The following DEPDC1 variants were observed in gnomAD, a reference collection of about 807,000 sequenced individuals.
The protein encoded by DEPDC1 is DEP domain-containing protein 1A.
In DEPDC1, 66 loss-of-function variants were observed where a neutral mutation model predicts 86.8. The ratio of observed to expected loss-of-function variants is 0.76; its 90% CI spans 0.62 to 0.93. The LOEUF is 0.93. DEPDC1 is among the 40% of genes least tolerant of loss of function. The pLI is 0.00. For synonymous variants in DEPDC1, 255 were observed against 314.9 expected (o/e 0.81, Z 2.02); for missense variants, 792 against 935.7 (o/e 0.85, Z 2.00).
rs962538755 is a variant in DEPDC1 at position 68,475,593 on chromosome 1, G to A, written c.*1339C>T. 3.3e-5 allele frequency: 5 copies of A among 151,716 alleles called. No individual in the cohort carries two copies. Among genetic ancestry groups the A allele is most frequent in the African/African-American group, 1.2e-4 (5 of 41,352 alleles). 9.4% of individuals were successfully genotyped at this position (151,716 alleles called of 1,614,324 possible). ...AATGAGAACAGTCATTAAACATTAA[G>A]ATTTTATTACAAACCATGCATTATA... On this transcript the variant is annotated 3_prime_UTR_variant, in exon 12 of 12. Transcript: ENST00000456315.
At position 68,496,774 on chromosome 1, in the gene DEPDC1, G is replaced by A; in HGVS notation, c.48+178C>T. The A allele has an allele frequency of 1.7e-6, 1 of 600,760 alleles. No homozygotes were observed. The highest frequency in any genetic ancestry group is 2.9e-6 in the Non-Finnish European group (1 of 339,266). The allele number at this position is 600,760 out of a possible 1,614,324, so 37.2% of individuals were successfully genotyped here. A position where few individuals can be genotyped will look rare whatever the true frequency, so the allele number is the denominator to read the frequency against. On this transcript the variant is annotated intron_variant, in intron 1 of 11. Coordinates refer to ENST00000456315, the MANE Select transcript of DEPDC1 (RefSeq NM_001114120.3). The surrounding 1 kb of genome is among the most constrained non-coding windows in gnomAD (Gnocchi z 4.0). Reference sequence around the variant, plus strand: ...AGACCCTCAAAATAGAGGGAGCGGTGAGTCTGGCAAGGGTTGCATACCCGC... The same window carrying A: ...AGACCCTCAAAATAGAGGGAGCGGTAAGTCTGGCAAGGGTTGCATACCCGC...
chr1:68,486,936 C>T lies in DEPDC1; in HGVS notation c.769+1G>A. 1.9e-6 allele frequency: 3 copies of T among 1,591,244 alleles called. No homozygotes were observed. The highest frequency in any genetic ancestry group is 2.6e-6 in the Non-Finnish European group (3 of 1,170,100). On this transcript the variant is annotated splice_donor_variant, in intron 6 of 11. Transcript: ENST00000456315. LOFTEE classifies it high-confidence loss of function. ...CACACACACACATATATTTAACTTA[C>T]AATTTGCTAGGCACTTCATGGCAGA... is the stretch of plus-strand genomic sequence containing the variant.
chr1:68,496,851 C>G lies in DEPDC1; in HGVS notation c.48+101G>C. On this transcript the variant is annotated intron_variant, in intron 1 of 11. Coordinates refer to ENST00000456315, the MANE Select transcript of DEPDC1 (RefSeq NM_001114120.3). The surrounding 1 kb of genome is among the most constrained non-coding windows in gnomAD (Gnocchi z 4.0). ...GAACCTAGGGATCCTGGGACTCATC[C>G]CTCCGACCGAGGTAAAACTGCGAAC... 8.3e-7 allele frequency: 1 copy of G among 1,209,024 alleles called. No individual in the cohort carries two copies. Among genetic ancestry groups the G allele is most frequent in the Non-Finnish European group, 1.2e-6 (1 of 834,196 alleles). The allele number at this position is 1,209,024 out of a possible 1,614,324, so 74.9% of individuals were successfully genotyped here. A position where few individuals can be genotyped will look rare whatever the true frequency, so the allele number is the denominator to read the frequency against.
intron 2 of DEPDC1, among the ~76,000 whole-genome samples, chr1:68,490,686 C>T (rs974474931): frequency 6.6e-6 from 1 of 151,944 alleles, no homozygotes; most frequent in Non-Finnish European, 1.5e-5. Flanking sequence ...ATACTGTTGT[C>T]CACAACTCAT....
At position 68,476,179 on chromosome 1, in the gene DEPDC1, T is replaced by C. The variant is rs936205985; in HGVS notation, c.*753A>G. ...AAGAGATTATATGTTTTATTTATCA[T>C]TGTCTCTGCATATCTGGAACAACGA... On this transcript the variant is annotated 3_prime_UTR_variant, in exon 12 of 12. Coordinates refer to ENST00000456315, the MANE Select transcript of DEPDC1 (RefSeq NM_001114120.3). The C allele has an allele frequency of 1.3e-5, 2 of 151,900 alleles. No individual in the cohort carries two copies. The highest frequency in any genetic ancestry group is 4.8e-5 in the African/African-American group (2 of 41,426). 9.4% of individuals were successfully genotyped at this position (151,900 alleles called of 1,614,324 possible). A position where few individuals can be genotyped will look rare whatever the true frequency, so the allele number is the denominator to read the frequency against.
Position 68,475,868 on chromosome 1 carries a change from T to C in DEPDC1, c.*1064A>G, listed in dbSNP as rs1293954617. 3 of 151,918 alleles carry C rather than the reference T, an allele frequency of 2.0e-5. No individual in the cohort carries two copies. Among genetic ancestry groups the C allele is most frequent in the Non-Finnish European group, 4.4e-5 (3 of 67,854 alleles). The allele number at this position is 151,918 out of a possible 1,614,324, so 9.4% of individuals were successfully genotyped here. On this transcript the variant is annotated 3_prime_UTR_variant, in exon 12 of 12. Coordinates refer to ENST00000456315, the MANE Select transcript of DEPDC1 (RefSeq NM_001114120.3). ...ATTGATTCTCACAGTTGGCTGAATA[T>C]TGGAATCACCTAGATTAAAAAAAAT...
rs922562260 is a variant in DEPDC1, at chr1:68,496,425, G to T, written c.48+527C>A. Among the ~76,000 whole-genome samples the T allele has an allele frequency of 2.6e-5, 4 of 152,168 alleles. No individual in the cohort carries two copies. The highest frequency in any genetic ancestry group is 9.7e-5 in the African/African-American group (4 of 41,438). On this transcript the variant is annotated intron_variant, in intron 1 of 11. Transcript: ENST00000456315. This position sits in a 1 kb window ranked among gnomAD's most constrained non-coding sequence, Gnocchi z 4.0. ...GGGACCACCAGCAGTGGTTACTGAT[G>T]GGTACTCAGAAATACCGTTTTGAAA... is the stretch of plus-strand genomic sequence containing the variant.
intron 5 of DEPDC1, 98 bp from the exon 6 acceptor site, chr1:68,487,082 A>AATTG: frequency 3.2e-6 from 3 of 936,124 alleles, no homozygotes; most frequent in Non-Finnish European, 4.5e-6. Flanking sequence ...ATATGTATAT[A>AATTG]CACATACACA....
At chr1:68,477,151 A>C (rs1289040988) in intron 11 of DEPDC1, 82 bp from the exon 12 acceptor site, 2 of 1,233,598 alleles carry the variant, frequency 1.6e-6, no homozygotes, top group Non-Finnish European at 2.3e-6. Context: ...ATAAGAATTC[A>C]GTGTTTTTCT....
intron 2 of DEPDC1, among the ~76,000 whole-genome samples, chr1:68,490,297 T>C (rs1002690263): frequency 2.6e-5 from 4 of 152,140 alleles, no homozygotes; most frequent in Admixed American, 2.6e-4. Flanking sequence ...TAGGCCCCAG[T>C]GTCTATTGTT....
At chr1:68,490,245 T>C (rs1646220685) in intron 2 of DEPDC1, among the ~76,000 whole-genome samples, 1 of 152,140 alleles carries the variant, frequency 6.6e-6, no homozygotes, top group Non-Finnish European at 1.5e-5. Context: ...CCATTAGTCA[T>C]TTTTCCTGAA....
chr1:68,478,108 T>C (rs1646129914), intron 10 of DEPDC1, 136 bp from the exon 11 acceptor site: 2 of 543,514 alleles, frequency 3.7e-6, no homozygotes, highest in Non-Finnish European at 5.8e-6. Flanking sequence ...CTATGTATTA[T>C]GCAGTAGAGG....
intron 6 of DEPDC1, among the ~76,000 whole-genome samples, 166 bp downstream of exon 6, chr1:68,486,771 A>C (rs1310798475): frequency 6.6e-6 from 1 of 151,998 alleles, no homozygotes; most frequent in Non-Finnish European, 1.5e-5. Context: ...GGGCTCCATA[A>C]TGTAATAAAT....
intron 6 of DEPDC1, among the ~76,000 whole-genome samples, chr1:68,484,428 A>G (rs1216923698): frequency 3.3e-5 from 5 of 152,086 alleles, no homozygotes; most frequent in Non-Finnish European, 5.9e-5. Flanking sequence ...CAACACAAAT[A>G]ATTCCTTCAA....
intron 3 of DEPDC1, 37 bp downstream of exon 3, chr1:68,489,415 T>A: frequency 7.5e-7 from 1 of 1,342,156 alleles, no homozygotes; most frequent in Non-Finnish European, 9.9e-7. Flanking sequence ...ACATCATAAT[T>A]ATATTTAAAC....
chr1:68,489,530 G>T lies in DEPDC1; in HGVS notation c.393C>A (p.Ser131=). ...ATTTAAAAATGCTATCTTTATCTTT[G>T]GAAAAGTTCTCTATGTTGTTTTTTC... The part of the protein sequence containing the change: ...ELRKNNIENF[S]KDKDSIFKLR... Residue 131 remains serine, a synonymous_variant, in exon 3 of 12, where the codon TCC becomes TCA. Transcript: ENST00000456315. The T allele has an allele frequency of 6.5e-7, 1 of 1,544,182 alleles. No individual in the cohort carries two copies. The highest frequency in any genetic ancestry group is 1.4e-5 in the African/African-American group (1 of 69,844).
Position 68,496,926 on chromosome 1 carries a change from G to T in DEPDC1, c.48+26C>A, listed in dbSNP as rs760485208. ...GGTGACTGCCGTCAGCCCGCTGACC[G>T]GTCCCGTCTATCCGAGCTGTCTTAC... On this transcript the variant is annotated intron_variant, in intron 1 of 11. Transcript: ENST00000456315. The surrounding 1 kb of genome is among the most constrained non-coding windows in gnomAD (Gnocchi z 4.0). 8.7e-6 allele frequency: 14 copies of T among 1,603,150 alleles called. No individual in the cohort carries two copies. In the Admixed American group the frequency reaches 1.7e-4, roughly 19 times the overall value.
At chr1:68,487,706 G>A (rs1306481892) in intron 5 of DEPDC1, among the ~76,000 whole-genome samples, 3 of 152,010 alleles carry the variant, frequency 2.0e-5, no homozygotes, top group Admixed American at 1.3e-4. Flanking sequence ...AGTAGCATAT[G>A]TCAGTTAATT....
chr1:68,492,365 T>C (rs1228400182), intron 2 of DEPDC1, among the ~76,000 whole-genome samples: 2 of 152,186 alleles, frequency 1.3e-5, no homozygotes, highest in South Asian at 2.1e-4. Flanking sequence ...TTACACATTT[T>C]TGGTAAACTT....
Sources: allele counts gnomAD v4.1 joint callset (sites outside exome capture counted in the v4.1 genomes callset), GRCh38; gene constraint gnomAD v4.1.1; non-coding constraint Gnocchi (gnomAD v3.1); transcripts MANE v1.5; gene names NCBI Gene and HGNC (gene_info 2026-07-23, HGNC 2026-07-21).